GRIK2: variants seen among roughly 807,000 people sequenced by gnomAD.
GRIK2 encodes the protein glutamate ionotropic receptor kainate type subunit 2, also known as glutamate receptor ionotropic, kainate 2.
GRIK2 carries 32 observed loss-of-function variants against 100.3 expected under a neutral mutation model. The ratio of observed to expected loss-of-function variants is 0.32; its 90% CI spans 0.24 to 0.43. The LOEUF is 0.43. Ranked by LOEUF, GRIK2 falls within the 20% of genes least tolerant of loss-of-function variation. The pLI is 1.00. For missense variants in GRIK2, 843 were observed against 1,114.9 expected, an observed-to-expected ratio of 0.76 and a Z score of 3.47; for synonymous variants, 417 against 389.4, an observed-to-expected ratio of 1.07 and a Z score of -0.83.
At chr6:101,859,120 ATTTTC>A (rs1197650430) in intron 10 of GRIK2, among the ~76,000 whole-genome samples, 162 bp from the exon 11 acceptor site, 3 of 152,220 alleles carry the variant, frequency 2.0e-5, no homozygotes, top group Admixed American at 2.0e-4. Context: ...TAAAACCTGA[ATTTTC>A]TTTTAATATT....
At chr6:102,038,946 G>A (rs1265143692) in intron 15 of GRIK2, among the ~76,000 whole-genome samples, 3 of 151,346 alleles carry the variant, frequency 2.0e-5, no homozygotes, top group Non-Finnish European at 4.4e-5. Flanking sequence ...TTTCAAGAAA[G>A]CCTATGTGGT....
At chr6:101,769,932 C>G (rs972500610) in intron 7 of GRIK2, among the ~76,000 whole-genome samples, 2 of 152,036 alleles carry the variant, frequency 1.3e-5, no homozygotes, top group African/African-American at 4.8e-5. Context: ...ATCGCCAGTC[C>G]GAGGTTAGAC....
chr6:101,959,201 A>G (rs1792130413), intron 14 of GRIK2, among the ~76,000 whole-genome samples: 2 of 152,132 alleles, frequency 1.3e-5, no homozygotes, highest in African/African-American at 4.8e-5. Flanking sequence ...ATGGCTTCAC[A>G]TGTCTGGTAA....
At chr6:101,567,736 G>A (rs1045668031) in intron 2 of GRIK2, among the ~76,000 whole-genome samples, 1 of 151,908 alleles carries the variant, frequency 6.6e-6, no homozygotes, top group Non-Finnish European at 1.5e-5. Context: ...GGGTTATTTT[G>A]TGGAAGAGCA....
chr6:101,890,691 C>G (rs12213923), intron 12 of GRIK2, among the ~76,000 whole-genome samples: 10,557 of 151,730 alleles, frequency 0.07, 499 homozygotes, highest in Non-Finnish European at 0.099. Flanking sequence ...ATTTTACTCT[C>G]GGAGGTGTAA....
chr6:101,704,307 G>A (rs970411793), intron 7 of GRIK2, among the ~76,000 whole-genome samples: 1 of 151,788 alleles, frequency 6.6e-6, no homozygotes, highest in Admixed American at 6.6e-5. Flanking sequence ...GTAAGGGAAT[G>A]TGTGAGGTGC....
At chr6:101,403,789 G>A (rs961143358) in intron 2 of GRIK2, among the ~76,000 whole-genome samples, 10 of 152,146 alleles carry the variant, frequency 6.6e-5, no homozygotes, top group Non-Finnish European at 8.8e-5. Context: ...GGCGGGGATG[G>A]GGGAGTAATA....
intron 11 of GRIK2, among the ~76,000 whole-genome samples, chr6:101,882,073 A>G (rs1294017777): frequency 6.6e-6 from 1 of 152,074 alleles, no homozygotes; most frequent in Non-Finnish European, 1.5e-5. Context: ...GAAACCCCTT[A>G]TAAAATCTTC....
At position 101,954,279 on chromosome 6, in the gene GRIK2, G is replaced by T. The variant is rs73761497; in HGVS notation, c.2085+25647G>T. Among the ~76,000 whole-genome samples, 501 of 152,084 alleles carry T rather than the reference G, an allele frequency of 3.3e-3. 2 individuals carry two copies. Among genetic ancestry groups the T allele is most frequent in the African/African-American group, 0.012 (483 of 41,524 alleles). On this transcript the variant is annotated intron_variant, in intron 14 of 16. Coordinates refer to ENST00000369134, the MANE Select transcript of GRIK2 (RefSeq NM_021956.5). ...AAATTTCTGCAAAAAGCCACATGAG[G>T]TATTAATTTTATGTTTATTTGGGAA...
At chr6:102,017,119 G>A (rs13199079) in intron 14 of GRIK2, among the ~76,000 whole-genome samples, 41,184 of 151,930 alleles carry the variant, frequency 0.27, 5,982 homozygotes, top group East Asian at 0.34. Context: ...AAGAGTTCCC[G>A]AAAGAAGCAC....
At chr6:101,843,056 G>A (rs1783609265) in intron 10 of GRIK2, among the ~76,000 whole-genome samples, 3 of 152,006 alleles carry the variant, frequency 2.0e-5, no homozygotes, top group Non-Finnish European at 4.4e-5. Flanking sequence ...TTCATTTTTC[G>A]ATTGGCTCCA....
intron 2 of GRIK2, among the ~76,000 whole-genome samples, chr6:101,599,875 C>G (rs1779118405): frequency 6.6e-6 from 1 of 151,452 alleles, no homozygotes; most frequent in Non-Finnish European, 1.5e-5. Context: ...GTTGATAGTT[C>G]CCTTTACTGT....
intron 8 of GRIK2, among the ~76,000 whole-genome samples, chr6:101,801,408 T>A (rs902718852): frequency 6.6e-6 from 1 of 152,064 alleles, no homozygotes; most frequent in African/African-American, 2.4e-5. Context: ...TCATTTGTAA[T>A]TTATTAGCTG....
intron 2 of GRIK2, among the ~76,000 whole-genome samples, chr6:101,587,717 T>C (rs1014580111): frequency 1.3e-5 from 2 of 152,148 alleles, no homozygotes; most frequent in African/African-American, 4.8e-5. Flanking sequence ...TAGAATGGTA[T>C]CTTCAAACTG....
At chr6:101,628,831 A>G (rs942107410) in intron 4 of GRIK2, among the ~76,000 whole-genome samples, 2 of 152,134 alleles carry the variant, frequency 1.3e-5, no homozygotes, top group Admixed American at 6.6e-5. Flanking sequence ...TGTATTAATT[A>G]TCATCCTTAA....
intron 10 of GRIK2, among the ~76,000 whole-genome samples, chr6:101,847,041 G>T (rs1269401278): frequency 6.6e-6 from 1 of 150,754 alleles, no homozygotes; most frequent in Non-Finnish European, 1.5e-5. Context: ...CTACCTGCAG[G>T]TTTAGTTTGA....
intron 5 of GRIK2, among the ~76,000 whole-genome samples, chr6:101,681,112 ATTTTTAT>A (rs1020111654): frequency 2.0e-5 from 3 of 151,952 alleles, no homozygotes; most frequent in Non-Finnish European, 4.4e-5. Context: ...TGCTTTTCTT[ATTTTTAT>A]TTTTTATTTT....
intron 7 of GRIK2, among the ~76,000 whole-genome samples, chr6:101,747,570 CTA>C (rs1314767167): frequency 2.6e-5 from 4 of 151,922 alleles, no homozygotes; most frequent in South Asian, 2.1e-4. Context: ...TTTGGAATTT[CTA>C]TGTTTTATAT....
chr6:101,686,487 C>T (rs1261092507), intron 7 of GRIK2, 134 bp downstream of exon 7: 2 of 612,826 alleles, frequency 3.3e-6, no homozygotes, highest in Non-Finnish European at 5.7e-6. Flanking sequence ...ATCAGAGCTA[C>T]AATGCAAATA....
Sources: gnomAD v4.1 joint callset for allele counts (sites outside exome capture counted in the v4.1 genomes callset) on GRCh38, gnomAD v4.1.1 for gene constraint, MANE v1.5 for transcripts, NCBI Gene and HGNC (gene_info 2026-07-23, HGNC 2026-07-21) for gene names.